Variants in MKRN1 observed in about 807,000 individuals in gnomAD.
MKRN1 encodes makorin ring finger protein 1, also known as E3 ubiquitin-protein ligase makorin-1.
A neutral mutation model predicts 55.5 loss-of-function variants in MKRN1; 9 were observed. That is an observed-to-expected ratio of 0.16 (90% CI 0.10 to 0.28). The LOEUF (loss-of-function observed/expected upper bound fraction) is 0.28, where lower values mean the gene tolerates loss of function less well. MKRN1 is among the 10% of genes least tolerant of loss of function. The pLI is 1.00. For missense variants in MKRN1, 488 were observed against 626.7 expected (o/e 0.78, Z 2.36); for synonymous variants, 253 against 235.9 (o/e 1.07, Z -0.66).
At chr7:140,471,729 C>T (rs1794932559) in intron 2 of MKRN1, among the ~76,000 whole-genome samples, 154 bp downstream of exon 2, 1 of 152,144 alleles carries the variant, frequency 6.6e-6, no homozygotes, top group Non-Finnish European at 1.5e-5. Context: ...CTAAGCATCC[C>T]AAAGTGCTGG....
At chr7:140,478,148 A>G (rs1795179482) in intron 1 of MKRN1, 2 of 152,244 alleles carry the variant, frequency 1.3e-5, no homozygotes, top group African/African-American at 4.8e-5. Context: ...CATATAAATT[A>G]TACCACCCAG....
intron 2 of MKRN1, among the ~76,000 whole-genome samples, chr7:140,470,725 G>A (rs1330315332): frequency 1.3e-5 from 2 of 152,108 alleles, no homozygotes; most frequent in Non-Finnish European, 1.5e-5. Flanking sequence ...AGACTAGCCT[G>A]GCCAACATGA....
intron 2 of MKRN1, among the ~76,000 whole-genome samples, chr7:140,464,046 T>A (rs2130293323): frequency 6.6e-6 from 1 of 152,100 alleles, no homozygotes; most frequent in East Asian, 2.0e-4. Flanking sequence ...GCCTCCCAAG[T>A]AGCTGGGATT....
At chr7:140,475,893 T>C (rs1037939206) in intron 1 of MKRN1, among the ~76,000 whole-genome samples, 7 of 152,152 alleles carry the variant, frequency 4.6e-5, no homozygotes, top group Non-Finnish European at 7.3e-5. Context: ...GCAATGAGCA[T>C]TTCTGTTTCT....
chr7:140,457,022 A>C, intron 4 of MKRN1, 156 bp from the exon 5 acceptor site: 2 of 719,322 alleles, frequency 2.8e-6, no homozygotes, highest in Non-Finnish European at 4.3e-6. Flanking sequence ...ACAAGTAAAC[A>C]CAGGTGTGGT....
intron 2 of MKRN1, 177 bp from the exon 3 acceptor site, chr7:140,460,113 G>A (rs907770522): frequency 1.1e-5 from 7 of 623,144 alleles, no homozygotes; most frequent in Non-Finnish European, 2.0e-5. Flanking sequence ...GCTGGGCATG[G>A]TGGCGCACCT....
At chr7:140,468,834 C>T (rs1255412353) in intron 2 of MKRN1, among the ~76,000 whole-genome samples, 1 of 149,616 alleles carries the variant, frequency 6.7e-6, no homozygotes, top group South Asian at 2.1e-4. Context: ...AGCAACTAAA[C>T]AAAGTTTCTA....
At chr7:140,474,065 G>GA (rs1048242237) in intron 1 of MKRN1, among the ~76,000 whole-genome samples, 3 of 139,360 alleles carry the variant, frequency 2.2e-5, no homozygotes, top group Non-Finnish European at 4.7e-5. Flanking sequence ...AAGAAAGAAA[G>GA]AATAAAAGAC....
Position 140,453,631 on chromosome 7 carries a change from A to G in MKRN1, c.*886T>C, listed in dbSNP as rs528705971. Reference sequence around the variant, plus strand: ...CCTCTATGGCTAACCCCATTTCTCTATTTATATAGACAGAGCTAGCACTGC... The same window carrying G: ...CCTCTATGGCTAACCCCATTTCTCTGTTTATATAGACAGAGCTAGCACTGC... On this transcript the variant is annotated 3_prime_UTR_variant, in exon 8 of 8. Transcript: ENST00000255977. 6.6e-6 allele frequency: 1 copy of G among 152,416 alleles called. No homozygotes were observed. The highest frequency in any genetic ancestry group is 2.4e-5 in the African/African-American group (1 of 41,576). The allele number at this position is 152,416 out of a possible 1,614,324, so 9.4% of individuals were successfully genotyped here.
intron 1 of MKRN1, chr7:140,474,291 C>A (rs6966930): frequency 0.26 from 43,864 of 168,490 alleles, 10,045 homozygotes; most frequent in African/African-American, 0.65. Flanking sequence ...AGGTCAGGAG[C>A]TCAAGACCAT....
At chr7:140,454,764 G>A in intron 7 of MKRN1, 35 bp from the exon 8 acceptor site, 1 of 1,592,320 alleles carries the variant, frequency 6.3e-7, no homozygotes, top group Non-Finnish European at 8.6e-7. Flanking sequence ...GGATGGCACT[G>A]TCGAGCAGTA....
chr7:140,471,727 C>G (rs12537112), intron 2 of MKRN1, among the ~76,000 whole-genome samples, 156 bp downstream of exon 2: 4,485 of 152,280 alleles, frequency 0.029, 348 homozygotes, highest in East Asian at 0.26. Flanking sequence ...ACCTAAGCAT[C>G]CCAAAGTGCT....
chr7:140,468,001 T>A lies in MKRN1; in HGVS notation c.314+3882A>T, dbSNP rs1373948050. Among the ~76,000 whole-genome samples, 8 of 68,590 alleles carry A rather than the reference T, an allele frequency of 1.2e-4. No individual in the cohort carries two copies. The African/African-American group carries it at 1.2e-3, about 11-fold the overall frequency. 45.0% of individuals were successfully genotyped at this position (68,590 alleles called of 152,430 possible). A position where few individuals can be genotyped will look rare whatever the true frequency, so the allele number is the denominator to read the frequency against. ...TGGGCAACAAGAGCGAAATTCTGTCTCAAAAAAAAAAAAAAAAAAATGCAG... is the reference window on the plus strand; with the variant it reads ...TGGGCAACAAGAGCGAAATTCTGTCACAAAAAAAAAAAAAAAAAAATGCAG... On this transcript the variant is annotated intron_variant, in intron 2 of 7. Transcript: ENST00000255977.
At chr7:140,461,646 A>T (rs1794619814) in intron 2 of MKRN1, among the ~76,000 whole-genome samples, 1 of 151,018 alleles carries the variant, frequency 6.6e-6, no homozygotes, top group African/African-American at 2.4e-5. Context: ...AAAAATAATA[A>T]AAAAAAAGCA....
intron 2 of MKRN1, among the ~76,000 whole-genome samples, chr7:140,462,391 AGTTTGTTATCAAGTG>A (rs1232356999): frequency 1.3e-5 from 2 of 152,356 alleles, no homozygotes; most frequent in East Asian, 1.9e-4. Flanking sequence ...CATAATTTAT[AGTTTGTTATCAAGTG>A]GTTCTTATAA....
chr7:140,455,683 A>C, intron 6 of MKRN1, 107 bp downstream of exon 6: 1 of 871,220 alleles, frequency 1.1e-6, no homozygotes, highest in Non-Finnish European at 1.8e-6. Flanking sequence ...GGGAAGTCAA[A>C]GAAGGGTAGG....
At chr7:140,469,800 T>TA (rs2130330418) in intron 2 of MKRN1, among the ~76,000 whole-genome samples, 1 of 152,124 alleles carries the variant, frequency 6.6e-6, no homozygotes, top group South Asian at 2.1e-4. Context: ...GGCTCATGCC[T>TA]ACAATCCCAG....
Position 140,466,749 on chromosome 7 carries a change from A to G in MKRN1, c.314+5134T>C, listed in dbSNP as rs1008126709. On this transcript the variant is annotated intron_variant, in intron 2 of 7. Transcript: ENST00000255977. ...AACGTGGGAAGCGGAGCTTGCAGTA[A>G]GCCGAGATTGCGCCACTGCAGTCCG... Among the ~76,000 whole-genome samples, 11 of 149,782 alleles carry G rather than the reference A, an allele frequency of 7.3e-5. No individual in the cohort carries two copies. In the South Asian group the frequency reaches 1.3e-3, roughly 17 times the overall value.
chr7:140,463,202 C>T (rs1794672777), intron 2 of MKRN1, among the ~76,000 whole-genome samples: 1 of 152,184 alleles, frequency 6.6e-6, no homozygotes, highest in African/African-American at 2.4e-5. Context: ...ATGCATTGTT[C>T]TATAGAGTGG....
Sources: allele counts gnomAD v4.1 joint callset (sites outside exome capture counted in the v4.1 genomes callset), GRCh38; gene constraint gnomAD v4.1.1; transcripts MANE v1.5; gene names NCBI Gene and HGNC (gene_info 2026-07-23, HGNC 2026-07-21).